Variants in TTC39B observed in about 807,000 individuals in gnomAD.
The protein encoded by TTC39B is tetratricopeptide repeat domain 39B, also known as tetratricopeptide repeat protein 39B.
A neutral mutation model predicts 96.6 loss-of-function variants in TTC39B; 92 were observed. The observed-to-expected ratio is 0.95, with a 90% CI of 0.80 to 1.13. TTC39B has a LOEUF of 1.13. Among genes scored for constraint, TTC39B ranks in the 50% most tolerant of loss-of-function variants. TTC39B has a pLI of 0.00. For synonymous variants in TTC39B, 367 were observed against 299.4 expected, an observed-to-expected ratio of 1.23 and a Z score of -2.33; for missense variants, 955 against 809.3, an observed-to-expected ratio of 1.18 and a Z score of -2.18.
intron 2 of TTC39B, among the ~76,000 whole-genome samples, chr9:15,238,941 G>GCACCACTGCACT (rs1308985630): frequency 6.6e-6 from 1 of 152,140 alleles, no homozygotes; most frequent in African/African-American, 2.4e-5. Flanking sequence ...AGCCAAGATC[G>GCACCACTGCACT]CACCACTGCA....
At chr9:15,191,725 G>A (rs933697402) in intron 9 of TTC39B, among the ~76,000 whole-genome samples, 28 of 152,288 alleles carry the variant, frequency 1.8e-4, no homozygotes, top group African/African-American at 6.3e-4. Flanking sequence ...GCAGAACCCT[G>A]GGCAGTGCAC....
chr9:15,288,133 C>G (rs531883086), intron 1 of TTC39B, among the ~76,000 whole-genome samples: 2 of 151,836 alleles, frequency 1.3e-5, no homozygotes, highest in African/African-American at 4.8e-5. Context: ...AAAAGCATAC[C>G]AAGAATCTCA....
chr9:15,238,883 G>A (rs1821908959), intron 2 of TTC39B, among the ~76,000 whole-genome samples: 1 of 152,182 alleles, frequency 6.6e-6, no homozygotes, highest in African/African-American at 2.4e-5. Context: ...CAACTAAGGA[G>A]GCTTAAGTGG....
chr9:15,272,642 C>T (rs914213295), intron 1 of TTC39B, among the ~76,000 whole-genome samples: 4 of 152,188 alleles, frequency 2.6e-5, no homozygotes, highest in African/African-American at 9.7e-5. Flanking sequence ...TGCCTCCAAA[C>T]AGTATCTAAC....
chr9:15,263,935 G>A (rs988023961), intron 2 of TTC39B, among the ~76,000 whole-genome samples: 4 of 152,188 alleles, frequency 2.6e-5, no homozygotes, highest in Non-Finnish European at 5.9e-5. Context: ...ACCTAAAAGA[G>A]CAAGATACAT....
At chr9:15,226,369 T>C (rs1821125592) in intron 2 of TTC39B, among the ~76,000 whole-genome samples, 1 of 152,240 alleles carries the variant, frequency 6.6e-6, no homozygotes, top group Non-Finnish European at 1.5e-5. Context: ...CTTATTATAA[T>C]GGGTTATGGT....
intron 2 of TTC39B, among the ~76,000 whole-genome samples, chr9:15,264,617 T>C (rs1380660956): frequency 6.9e-6 from 1 of 145,504 alleles, no homozygotes; most frequent in African/African-American, 2.6e-5. Flanking sequence ...ATCACACCAT[T>C]GCACTCTAGC....
chr9:15,251,730 T>TATATATATATATAC (rs1765877043), intron 2 of TTC39B, among the ~76,000 whole-genome samples: 1 of 129,034 alleles, frequency 7.7e-6, no homozygotes, highest in Admixed American at 7.6e-5. Context: ...TATATATATA[T>TATATATATATATAC]ATATATGTAG....
chr9:15,185,570 T>A, intron 15 of TTC39B, 164 bp from the exon 16 acceptor site: 1 of 1,050,346 alleles, frequency 9.5e-7, no homozygotes, highest in Non-Finnish European at 1.3e-6. Context: ...CTAGACCTAC[T>A]GAATCAGCAA....
chr9:15,240,720 T>C (rs1401860610), intron 2 of TTC39B, among the ~76,000 whole-genome samples: 1 of 152,200 alleles, frequency 6.6e-6, no homozygotes, highest in Non-Finnish European at 1.5e-5. Flanking sequence ...TTTGGCCCTC[T>C]CCACATGAAG....
chr9:15,273,827 T>C (rs780781147), intron 1 of TTC39B, among the ~76,000 whole-genome samples: 11 of 152,192 alleles, frequency 7.2e-5, no homozygotes, highest in Non-Finnish European at 1.3e-4. Flanking sequence ...TTGGGGCATA[T>C]CTGGACCATT....
intron 1 of TTC39B, among the ~76,000 whole-genome samples, chr9:15,287,716 C>T (rs369500538): frequency 2.1e-4 from 32 of 152,016 alleles, no homozygotes; most frequent in African/African-American, 5.3e-4. Flanking sequence ...TCTGGCTGGG[C>T]GCAGTGGCTC....
chr9:15,274,153 A>G (rs1234918960), intron 1 of TTC39B, among the ~76,000 whole-genome samples: 1 of 152,242 alleles, frequency 6.6e-6, no homozygotes, highest in Admixed American at 6.5e-5. Context: ...TGAATAAAGT[A>G]CTGATTTTTC....
At chr9:15,205,838 G>C (rs530724925) in intron 6 of TTC39B, among the ~76,000 whole-genome samples, 4 of 152,082 alleles carry the variant, frequency 2.6e-5, no homozygotes, top group African/African-American at 7.2e-5. Context: ...GGGAGCCGGG[G>C]CGGAGGGGAC....
intron 1 of TTC39B, among the ~76,000 whole-genome samples, chr9:15,287,840 G>A (rs1306193747): frequency 6.6e-6 from 1 of 151,612 alleles, no homozygotes; most frequent in African/African-American, 2.4e-5. Context: ...CAGCTACTCG[G>A]GAAGCTGAGG....
chr9:15,216,679 T>G (rs1435662979), intron 3 of TTC39B, among the ~76,000 whole-genome samples: 1 of 152,190 alleles, frequency 6.6e-6, no homozygotes, highest in Non-Finnish European at 1.5e-5. Flanking sequence ...TAGACCCATT[T>G]CTTTCCCCAT....
intron 2 of TTC39B, among the ~76,000 whole-genome samples, chr9:15,254,393 G>C (rs1822672529): frequency 6.6e-6 from 1 of 152,094 alleles, no homozygotes; most frequent in Non-Finnish European, 1.5e-5. Flanking sequence ...CTTACATCAT[G>C]AAAGAAATAA....
chr9:15,265,405 C>T (rs947891253), intron 2 of TTC39B, among the ~76,000 whole-genome samples: 15 of 152,138 alleles, frequency 9.9e-5, no homozygotes, highest in Admixed American at 2.0e-4. Context: ...TGCTAGCTCC[C>T]GCTGGGAAAA....
chr9:15,227,711 C>A (rs552822469), intron 2 of TTC39B, among the ~76,000 whole-genome samples: 2 of 152,258 alleles, frequency 1.3e-5, no homozygotes, highest in East Asian at 3.9e-4. Context: ...CCATTTGGAC[C>A]ATTCTTGCCC....
Sources: gnomAD v4.1 joint callset for allele counts (sites outside exome capture counted in the v4.1 genomes callset) on GRCh38, gnomAD v4.1.1 for gene constraint, MANE v1.5 for transcripts, NCBI Gene and HGNC (gene_info 2026-07-23, HGNC 2026-07-21) for gene names.